ZMYM6: variants seen among roughly 807,000 people sequenced by gnomAD.
ZMYM6 encodes zinc finger MYM-type protein 6.
ZMYM6 carries 90 observed loss-of-function variants against 134.0 expected under a neutral mutation model. That is an observed-to-expected ratio of 0.67 (90% CI 0.57 to 0.80). The LOEUF (loss-of-function observed/expected upper bound fraction) is 0.80. Ranked by LOEUF, ZMYM6 falls within the 30% of genes least tolerant of loss-of-function variation. ZMYM6 has a pLI of 0.00. For synonymous variants in ZMYM6, 481 were observed against 524.1 expected (o/e 0.92, Z 1.12); for missense variants, 1,362 against 1,533.9 (o/e 0.89, Z 1.87).
At chr1:35,016,133 T>C (rs1325004345) in intron 4 of ZMYM6, among the ~76,000 whole-genome samples, 7 of 151,990 alleles carry the variant, frequency 4.6e-5, no homozygotes, top group Admixed American at 6.6e-5. Flanking sequence ...GTATTTTTAG[T>C]ACAGACGGGG....
Position 34,986,302 on chromosome 1 carries a change from T to C in ZMYM6, c.*802A>G, listed in dbSNP as rs530246385. On this transcript the variant is annotated 3_prime_UTR_variant, in exon 16 of 16. Transcript: ENST00000357182. ...TGCAAAGCTGAAAATATTTACTATC[T>C]GGCTCTTTATTTAAAAAGTTTGCTA... 5.9e-5 allele frequency: 9 copies of C among 152,364 alleles called. No individual in the cohort carries two copies. The highest frequency in any genetic ancestry group is 2.2e-4 in the African/African-American group (9 of 41,594). 9.4% of individuals were successfully genotyped at this position (152,364 alleles called of 1,614,324 possible).
rs147439192 is a variant in ZMYM6 at position 35,011,008 on chromosome 1, T to G, written c.1091A>C (p.Asn364Thr). ...CTGAGACAGGGGCACCGCCGAAGAGTTTGTTCCTTTTGGCTTGCTAAATAC... is the reference window on the plus strand; with the variant it reads ...CTGAGACAGGGGCACCGCCGAAGAGGTTGTTCCTTTTGGCTTGCTAAATAC... ...QNVFSKPKGT[N>T]SSAVPLSQGQ... The change falls in exon 9 of 16, where the codon AAC becomes ACC. Residue 364 changes from asparagine to threonine, a missense_variant. Coordinates refer to ENST00000357182, the MANE Select transcript of ZMYM6 (RefSeq NM_007167.4). The G allele has an allele frequency of 7.6e-4, 1,233 of 1,613,532 alleles. 9 individuals carry two copies. The African/African-American group carries it at 0.012, about 16-fold the overall frequency.
chr1:35,007,032 T>A lies in ZMYM6; in HGVS notation c.1732A>T (p.Ile578Phe). The stretch of plus-strand genomic sequence containing the variant: ...CAAAATAGGTTACAGAAATGTTTAA[T>A]GTTGCCTCGCCACTTTATGGACTCG... ...LSESIKWRGN[I>F]KHFCNLFCVL... The change falls in exon 12 of 16, where the codon ATT (isoleucine) becomes TTT (phenylalanine). Residue 578 changes from isoleucine to phenylalanine, a missense_variant. Transcript: ENST00000357182. The A allele has an allele frequency of 6.2e-7, 1 of 1,613,566 alleles. No individual in the cohort carries two copies. The highest frequency in any genetic ancestry group is 1.1e-5 in the South Asian group (1 of 90,934).
chr1:34,988,787 C>G lies in ZMYM6; in HGVS notation c.2295G>C (p.Arg765Ser), dbSNP rs1305025725. The stretch of plus-strand genomic sequence containing the variant: ...TCTCTCCACAAATGACACACTGTGG[C>G]CTTGGTGAACTTTCTTTTGATCCAG... Reference protein sequence around the residue: ...ICPGSKESSPRPQCVICGEIL... With the variant: ...ICPGSKESSPSPQCVICGEIL... The change falls in exon 16 of 16, where the codon AGG (arginine) becomes AGC (serine). Residue 765 changes from arginine to serine, a missense_variant. By Grantham distance (110) the Arg-to-Ser change is moderately radical. Around this residue, in one of 3 missense-constraint regions of ZMYM6, gnomAD observed 824 missense variants for 940.9 expected, o/e 0.88. Coordinates refer to ENST00000357182, the MANE Select transcript of ZMYM6 (RefSeq NM_007167.4). 4 of 1,551,734 alleles carry G rather than the reference C, an allele frequency of 2.6e-6. No individual in the cohort carries two copies. In the South Asian group the frequency reaches 3.6e-5, roughly 14 times the overall value.
intron 13 of ZMYM6, among the ~76,000 whole-genome samples, chr1:35,004,356 G>C (rs992699905): frequency 1.3e-5 from 2 of 152,180 alleles, no homozygotes; most frequent in African/African-American, 4.8e-5. Flanking sequence ...GCCCAGTGTG[G>C]TGGCCTGTAA....
intron 8 of ZMYM6, among the ~76,000 whole-genome samples, chr1:35,011,514 A>C (rs530674108): frequency 3.3e-5 from 5 of 152,314 alleles, no homozygotes; most frequent in African/African-American, 1.2e-4. Flanking sequence ...ATTCCATGCC[A>C]GGAGTCACTG....
In ZMYM6 at chr1:35,031,786, CCGCCCACTACCACTG is replaced by C. The variant is rs1641532651; in HGVS notation, c.-75+14_-75+28del. 1 of 152,512 alleles carries C rather than the reference CCGCCCACTACCACTG, an allele frequency of 6.6e-6. No homozygotes were observed. Among genetic ancestry groups the C allele is most frequent in the South Asian group, 2.1e-4 (1 of 4,852 alleles). 9.4% of individuals were successfully genotyped at this position (152,512 alleles called of 1,614,324 possible). A position where few individuals can be genotyped will look rare whatever the true frequency, so the allele number is the denominator to read the frequency against. On this transcript the variant is annotated intron_variant, in intron 1 of 15. Coordinates refer to ENST00000357182, the MANE Select transcript of ZMYM6 (RefSeq NM_007167.4). The stretch of plus-strand genomic sequence containing the variant: ...GTGGTGTGGCCTCCGCCCCGCCGTC[CCGCCCACTACCACTG>C]CGGCCGCACCCACCTTCTGTCGCCT...
rs1429416072 is a variant in ZMYM6 at position 35,011,758 on chromosome 1, T to C, written c.1062+132A>G. On this transcript the variant is annotated intron_variant, in intron 8 of 15. Transcript: ENST00000357182. ...TGTAGAAATGACCTGGTTGGGCCCCTGGATGAAACAAATTTTTTTCTTTTT... is the reference window on the plus strand; with the variant it reads ...TGTAGAAATGACCTGGTTGGGCCCCCGGATGAAACAAATTTTTTTCTTTTT... The C allele has an allele frequency of 7.5e-6, 4 of 536,700 alleles. No individual in the cohort carries two copies. The East Asian group carries it at 1.0e-4, about 14-fold the overall frequency. The allele number at this position is 536,700 out of a possible 1,614,324, so 33.2% of individuals were successfully genotyped here. A position where few individuals can be genotyped will look rare whatever the true frequency, so the allele number is the denominator to read the frequency against.
rs752192759 is a variant in ZMYM6, at chr1:35,010,992, G to T, written c.1107C>A (p.Pro369=). The T allele has an allele frequency of 6.2e-7, 1 of 1,613,872 alleles. No individual in the cohort carries two copies. Among genetic ancestry groups the T allele is most frequent in the South Asian group, 1.1e-5 (1 of 91,038 alleles). The change falls in exon 9 of 16, where the codon CCC becomes CCA. Residue 369 remains proline, a synonymous_variant. Transcript: ENST00000357182. The part of the protein sequence containing the change: ...KPKGTNSSAV[P]LSQGQVVVSP... ...TTACAACCACTTGGCCCTGAGACAG[G>T]GGCACCGCCGAAGAGTTTGTTCCTT...
At chr1:34,998,750 G>A (rs1640830853) in intron 14 of ZMYM6, among the ~76,000 whole-genome samples, 1 of 152,134 alleles carries the variant, frequency 6.6e-6, no homozygotes, top group Non-Finnish European at 1.5e-5. Flanking sequence ...ACAGGAATCT[G>A]GAGCTCAAAG....
At chr1:35,025,101 C>A (rs1019884544) in intron 2 of ZMYM6, among the ~76,000 whole-genome samples, 1 of 150,448 alleles carries the variant, frequency 6.6e-6, no homozygotes, top group African/African-American at 2.4e-5. Context: ...GAACTCCTGA[C>A]CTCAAGTGAG....
intron 14 of ZMYM6, among the ~76,000 whole-genome samples, chr1:34,998,005 G>A (rs1237323827): frequency 6.6e-6 from 1 of 152,102 alleles, no homozygotes; most frequent in African/African-American, 2.4e-5. Flanking sequence ...TTTGGGCCAG[G>A]TGCTGTGGCT....
chr1:34,991,205 C>T (rs1034256647), intron 15 of ZMYM6, among the ~76,000 whole-genome samples: 1 of 152,158 alleles, frequency 6.6e-6, no homozygotes, highest in African/African-American at 2.4e-5. Flanking sequence ...CATAAGCACA[C>T]ACACACACAC....
intron 13 of ZMYM6, among the ~76,000 whole-genome samples, chr1:35,004,531 C>A (rs1204377131): frequency 6.6e-6 from 1 of 152,064 alleles, no homozygotes; most frequent in Non-Finnish European, 1.5e-5. Context: ...ATCGCTTGAA[C>A]TCGGGAGGCG....
Position 35,018,953 on chromosome 1 carries a change from A to G in ZMYM6, c.428+400T>C, listed in dbSNP as rs551126375. 24 of 231,556 alleles carry G rather than the reference A, an allele frequency of 1.0e-4. No individual in the cohort carries two copies. The South Asian group carries it at 2.7e-3, about 26-fold the overall frequency. 14.3% of individuals were successfully genotyped at this position (231,556 alleles called of 1,614,324 possible). A position where few individuals can be genotyped will look rare whatever the true frequency, so the allele number is the denominator to read the frequency against. On this transcript the variant is annotated intron_variant, in intron 4 of 15. Coordinates refer to ENST00000357182, the MANE Select transcript of ZMYM6 (RefSeq NM_007167.4). ...AATAAACACATTTTTGCGACCATGTAGAGTTTTTACTTTTTAAAGAATTAA... is the reference window on the plus strand; with the variant it reads ...AATAAACACATTTTTGCGACCATGTGGAGTTTTTACTTTTTAAAGAATTAA...
intron 4 of ZMYM6, 198 bp downstream of exon 4, chr1:35,019,155 G>C (rs1464291313): frequency 4.2e-6 from 3 of 713,560 alleles, no homozygotes; most frequent in Non-Finnish European, 6.8e-6. Context: ...ATAGAAAACT[G>C]GTTTAGGCAA....
At chr1:35,012,060 A>G in intron 7 of ZMYM6, 55 bp from the exon 8 acceptor site, 1 of 1,106,232 alleles carries the variant, frequency 9.0e-7, no homozygotes, top group Non-Finnish European at 1.3e-6. Context: ...AACAAACAAT[A>G]CAAAAATGTA....
intron 2 of ZMYM6, among the ~76,000 whole-genome samples, chr1:35,023,666 A>G (rs575939978): frequency 2.0e-5 from 3 of 150,004 alleles, no homozygotes; most frequent in African/African-American, 7.4e-5. Flanking sequence ...TCTGTCACCC[A>G]TGCTGGAATG....
chr1:34,992,786 C>T (rs9662645), intron 14 of ZMYM6, among the ~76,000 whole-genome samples: 5,801 of 102,388 alleles, frequency 0.057, 1,859 homozygotes, highest in African/African-American at 0.43. Flanking sequence ...TAAAAATATA[C>T]TTATAAACTA....
Sources: gnomAD v4.1 joint callset for allele counts (sites outside exome capture counted in the v4.1 genomes callset) on GRCh38, gnomAD v4.1.1 for gene constraint, gnomAD v4.1.1 regional missense constraint, MANE v1.5 for transcripts, NCBI Gene and HGNC (gene_info 2026-07-23, HGNC 2026-07-21) for gene names.